The following ZNF749 variants were observed in gnomAD, a reference collection of about 807,000 sequenced individuals.
ZNF749 encodes the protein zinc finger protein 749.
ZNF749 carries 8 observed loss-of-function variants against 7.3 expected under a neutral mutation model. The observed-to-expected ratio is 1.10, with a 90% confidence interval of 0.64 to 1.98. ZNF749 has a LOEUF of 1.98. Ranked by LOEUF, ZNF749 falls within the 30% of genes most tolerant of loss-of-function variation. The pLI, the probability that ZNF749 is intolerant of heterozygous loss-of-function variation, is 0.00. For synonymous variants in ZNF749, 310 were observed against 322.4 expected (o/e 0.96, Z 0.41); for missense variants, 898 against 932.4 (o/e 0.96, Z 0.48).
rs1428464481 is a variant in ZNF749 at position 57,444,406 on chromosome 19, A to G, written c.1258A>G (p.Ser420Gly). ...YKCSECGKAF[S>G]LKHNVVQHLK... Reference sequence around the variant, plus strand: ...GTGTAGCGAATGTGGGAAAGCCTTTAGCCTCAAACATAATGTTGTTCAGCA... The same window carrying G: ...GTGTAGCGAATGTGGGAAAGCCTTTGGCCTCAAACATAATGTTGTTCAGCA... Residue 420 changes from serine to glycine, a missense_variant, in exon 3 of 3, where the codon AGC becomes GGC. Transcript: ENST00000334181. The G allele has an allele frequency of 6.2e-7, 1 of 1,614,090 alleles. No homozygotes were observed. Among genetic ancestry groups the G allele is most frequent in the South Asian group, 1.1e-5 (1 of 91,078 alleles).
rs1167227619 is a variant in ZNF749, at chr19:57,446,481, T to C, written c.*996T>C. The stretch of plus-strand genomic sequence containing the variant: ...CCCTGACAATACTACTGTATGAATT[T>C]TACTATAAATATCTCATATGAGGAA... On this transcript the variant is annotated 3_prime_UTR_variant, in exon 3 of 3. Coordinates refer to ENST00000334181, the MANE Select transcript of ZNF749 (RefSeq NM_001023561.4). Among the ~76,000 whole-genome samples the C allele has an allele frequency of 1.3e-5, 2 of 152,248 alleles. No homozygotes were observed. Among genetic ancestry groups the C allele is most frequent in the Non-Finnish European group, 2.9e-5 (2 of 68,046 alleles).
At chr19:57,441,783 AGT>A in intron 1 of ZNF749, 100 bp from the exon 2 acceptor site, 1 of 1,389,200 alleles carries the variant, frequency 7.2e-7, no homozygotes, top group East Asian at 2.3e-5. Context: ...ATTGGCTGTT[AGT>A]TTGGCCCTCC....
Position 57,441,249 on chromosome 19 carries a change from G to A in ZNF749, c.16-636G>A, listed in dbSNP as rs940849190. 2.6e-5 allele frequency among the ~76,000 whole-genome samples: 4 copies of A among 152,156 alleles called. 1 individual carries two copies. The highest frequency in any genetic ancestry group is 6.5e-5 in the Admixed American group (1 of 15,280). ...GTAGCAGTGGGGGCGAGAGAAGTGC[G>A]AATGCTACCAGGATGTGGAGTCTCT... On this transcript the variant is annotated intron_variant, in intron 1 of 2. Coordinates refer to ENST00000334181, the MANE Select transcript of ZNF749 (RefSeq NM_001023561.4).
intron 1 of ZNF749, among the ~76,000 whole-genome samples, chr19:57,440,817 G>C (rs1285677508): frequency 6.6e-6 from 1 of 152,050 alleles, no homozygotes; most frequent in Admixed American, 6.6e-5. Flanking sequence ...AGACCCCAAG[G>C]AAATGGGGTG....
In ZNF749 at chr19:57,444,174, C is replaced by G. The variant is rs988870435; in HGVS notation, c.1026C>G (p.Ile342Met). 1.2e-6 allele frequency: 2 copies of G among 1,613,838 alleles called. No homozygotes were observed. The highest frequency in any genetic ancestry group is 3.3e-5 in the Admixed American group (2 of 59,988). Reference sequence around the variant, plus strand: ...TTTTTATGTATAACTCCAAACTCATCAGACATCAGAAAGTTCACACTGGGG... The same window carrying G: ...TTTTTATGTATAACTCCAAACTCATGAGACATCAGAAAGTTCACACTGGGG... ...GKFFMYNSKL[I>M]RHQKVHTGER... The change falls in exon 3 of 3, where the codon ATC becomes ATG. Residue 342 changes from isoleucine to methionine, a missense_variant. By Grantham distance (10) the Ile-to-Met change is conservative (BLOSUM62 1). Transcript: ENST00000334181.
rs1352457852 is a variant in ZNF749, at chr19:57,439,163, A to G, written c.16-2722A>G. 6.6e-6 allele frequency among the ~76,000 whole-genome samples: 1 copy of G among 152,056 alleles called. No individual in the cohort carries two copies. Among genetic ancestry groups the G allele is most frequent in the Non-Finnish European group, 1.5e-5 (1 of 68,024 alleles). Reference sequence around the variant, plus strand: ...GAAGACCACGTGCAGGTGAGGGTGGAGCCACCGATACCTGGGTGATGGGTC... The same window carrying G: ...GAAGACCACGTGCAGGTGAGGGTGGGGCCACCGATACCTGGGTGATGGGTC... On this transcript the variant is annotated intron_variant, in intron 1 of 2. Transcript: ENST00000334181. The surrounding 1 kb of genome is among the most constrained non-coding windows in gnomAD (Gnocchi z 4.3).
intron 2 of ZNF749, 116 bp from the exon 3 acceptor site, chr19:57,443,175 T>C: frequency 1.1e-6 from 1 of 872,412 alleles, no homozygotes; most frequent in Non-Finnish European, 1.8e-6. Context: ...CTTATTTCCT[T>C]GCCTGTGACC....
upstream of ZNF749, chr19:57,435,235 T>G: frequency 2.1e-6 from 1 of 479,342 alleles, no homozygotes; most frequent in Non-Finnish European, 3.8e-6. Context: ...AGAACTACAT[T>G]ACCCAGAAGA....
intron 1 of ZNF749, 147 bp from the exon 2 acceptor site, chr19:57,441,738 A>C: frequency 2.2e-6 from 2 of 903,272 alleles, no homozygotes; most frequent in Non-Finnish European, 3.5e-6. Context: ...GTGGTTCAGC[A>C]TATGGGATCT....
chr19:57,435,923 A>G (rs1042812504), intron 1 of ZNF749, among the ~76,000 whole-genome samples: 2 of 152,158 alleles, frequency 1.3e-5, no homozygotes, highest in Admixed American at 1.3e-4. Flanking sequence ...GACGAATGGG[A>G]GGGTCACGCC....
chr19:57,441,864 G>C (rs1412661330), intron 1 of ZNF749, 21 bp from the exon 2 acceptor site: 2 of 1,613,918 alleles, frequency 1.2e-6, no homozygotes, highest in Admixed American at 1.7e-5. Context: ...TTCATAGACT[G>C]AAGTGTCATA....
At position 57,444,469 on chromosome 19, in the gene ZNF749, A is replaced by G. The variant is rs368580603; in HGVS notation, c.1321A>G (p.Thr441Ala). ...IHTGERPYEC[T>A]ECEKAFVRKS... ...TACTGGAGAACGGCCTTATGAGTGC[A>G]CTGAATGTGAGAAGGCCTTTGTTAG... Residue 441 changes from threonine (T) to alanine (A), a missense_variant, in exon 3 of 3, where the codon ACT becomes GCT. By Grantham distance (58) the Thr-to-Ala change is moderately conservative. Coordinates refer to ENST00000334181, the MANE Select transcript of ZNF749 (RefSeq NM_001023561.4). The G allele has an allele frequency of 3.7e-5, 59 of 1,613,950 alleles. No homozygotes were observed. The highest frequency in any genetic ancestry group is 4.8e-5 in the Non-Finnish European group (57 of 1,179,922).
chr19:57,441,115 C>A (rs1230951069), intron 1 of ZNF749, among the ~76,000 whole-genome samples: 505 of 71,170 alleles, frequency 7.1e-3, no homozygotes, highest in South Asian at 0.013. Flanking sequence ...ACTCTTGTCT[C>A]AAAAAAAAAA....
chr19:57,444,194 C>A lies in ZNF749; in HGVS notation c.1046C>A (p.Thr349Asn), dbSNP rs1455329249. 2 of 1,613,644 alleles carry A rather than the reference C, an allele frequency of 1.2e-6. No individual in the cohort carries two copies. Among genetic ancestry groups the A allele is most frequent in the South Asian group, 1.1e-5 (1 of 91,036 alleles). ...CTCATCAGACATCAGAAAGTTCACA[C>A]TGGGGAGAGGCGTTACGAGTGCAGT... ...SKLIRHQKVHTGERRYECSEC... is the reference protein window; with the variant it reads ...SKLIRHQKVHNGERRYECSEC... The change falls in exon 3 of 3, where the codon ACT becomes AAT. Residue 349 changes from threonine (T) to asparagine (N), a missense_variant. Thr to Asn is a moderately conservative substitution (Grantham distance 65, BLOSUM62 0). Transcript: ENST00000334181.
chr19:57,435,358 T>G lies in ZNF749; in HGVS notation c.-221T>G. ...CGGCGCCCTCATGGTTGCGTTAGCATGGCTACCTAGGGATCTGTTCACTGA... is the reference window on the plus strand; with the variant it reads ...CGGCGCCCTCATGGTTGCGTTAGCAGGGCTACCTAGGGATCTGTTCACTGA... On this transcript the variant is annotated 5_prime_UTR_variant, in exon 1 of 3. An upstream start codon of the reference 5' UTR is lost. Coordinates refer to ENST00000334181, the MANE Select transcript of ZNF749 (RefSeq NM_001023561.4). 1 of 656,320 alleles carries G rather than the reference T, an allele frequency of 1.5e-6. No homozygotes were observed. 40.7% of individuals were successfully genotyped at this position (656,320 alleles called of 1,614,324 possible).
In ZNF749 at chr19:57,435,410, G is replaced by C. The variant is rs1388321611; in HGVS notation, c.-169G>C. 4.1e-6 allele frequency: 4 copies of C among 965,814 alleles called. No homozygotes were observed. The highest frequency in any genetic ancestry group is 1.6e-5 in the African/African-American group (1 of 61,662). The allele number at this position is 965,814 out of a possible 1,614,324, so 59.8% of individuals were successfully genotyped here. A position where few individuals can be genotyped will look rare whatever the true frequency, so the allele number is the denominator to read the frequency against. ...TTAGAGGGTCCCAGAGCTCTGGGTC[G>C]GGACTGAGGTGAAAGAGCGGAAAAA... On this transcript the variant is annotated 5_prime_UTR_variant, in exon 1 of 3. Coordinates refer to ENST00000334181, the MANE Select transcript of ZNF749 (RefSeq NM_001023561.4).
intron 1 of ZNF749, among the ~76,000 whole-genome samples, chr19:57,440,069 T>C (rs1478554725): frequency 1.3e-5 from 2 of 151,832 alleles, no homozygotes; most frequent in Non-Finnish European, 2.9e-5. Context: ...TGTGTGTATG[T>C]TTGTGTGTTA....
In ZNF749 at chr19:57,444,066, C is replaced by G. The variant is rs141529170; in HGVS notation, c.918C>G (p.Ala306=). Residue 306 remains alanine, a synonymous_variant, in exon 3 of 3, where the codon GCC becomes GCG. Coordinates refer to ENST00000334181, the MANE Select transcript of ZNF749 (RefSeq NM_001023561.4). ...ATGAATGCACCCAGTGTGGGAAGGC[C>G]TTTCTTACACAGGCTCATCTGGTTG... The part of the protein sequence containing the change: ...TPYECTQCGK[A]FLTQAHLVGH... 1.5e-4 allele frequency: 241 copies of G among 1,613,984 alleles called. No individual in the cohort carries two copies. The African/African-American group carries it at 2.8e-3, about 19-fold the overall frequency.
Position 57,442,677 on chromosome 19 carries a change from T to A in ZNF749, c.143-614T>A, listed in dbSNP as rs571656827. Among the ~76,000 whole-genome samples, 1 of 152,306 alleles carries A rather than the reference T, an allele frequency of 6.6e-6. No homozygotes were observed. Among genetic ancestry groups the A allele is most frequent in the Admixed American group, 6.5e-5 (1 of 15,294 alleles). On this transcript the variant is annotated intron_variant, in intron 2 of 2. Coordinates refer to ENST00000334181, the MANE Select transcript of ZNF749 (RefSeq NM_001023561.4). This position sits in a 1 kb window ranked among gnomAD's most constrained non-coding sequence, Gnocchi z 6.6. ...GGACTTGGCCCTGGTGGGTGAAAGCTGGGAAAGGATGTGATATCAAGGCTG... is the reference window on the plus strand; with the variant it reads ...GGACTTGGCCCTGGTGGGTGAAAGCAGGGAAAGGATGTGATATCAAGGCTG...
Sources: gnomAD v4.1 joint callset for allele counts (sites outside exome capture counted in the v4.1 genomes callset) on GRCh38, gnomAD v4.1.1 for gene constraint, Gnocchi (gnomAD v3.1) non-coding constraint, MANE v1.5 for transcripts, NCBI Gene and HGNC (gene_info 2026-07-23, HGNC 2026-07-21) for gene names.